The following GRID2 variants were observed in gnomAD, a reference collection of about 807,000 sequenced individuals.
GRID2 encodes the protein glutamate ionotropic receptor delta type subunit 2, also known as glutamate receptor ionotropic, delta-2.
In GRID2, 33 loss-of-function variants were observed where a neutral mutation model predicts 114.8. The ratio of observed to expected loss-of-function variants is 0.29; its 90% CI spans 0.22 to 0.38. GRID2 has a LOEUF of 0.38. Among genes scored for constraint, GRID2 ranks in the 10% least tolerant of loss-of-function variants. The probability of loss-of-function intolerance (pLI) is 1.00; values close to 1 mark genes in which losing one functional copy is unlikely to be tolerated. For missense variants in GRID2, 1,184 were observed against 1,257.7 expected (o/e 0.94, Z 0.89); for synonymous variants, 505 against 449.9 (o/e 1.12, Z -1.55).
chr4:93,740,687 C>T (rs1469177849), intron 14 of GRID2, among the ~76,000 whole-genome samples: 1 of 152,122 alleles, frequency 6.6e-6, no homozygotes, highest in Non-Finnish European at 1.5e-5. Flanking sequence ...TAAGACATAA[C>T]CTAAAATGAT....
At chr4:92,419,506 T>G (rs1731786459) in intron 1 of GRID2, among the ~76,000 whole-genome samples, 1 of 152,124 alleles carries the variant, frequency 6.6e-6, no homozygotes, top group Non-Finnish European at 1.5e-5. Flanking sequence ...AACATTATAT[T>G]TGTGATTTTA....
intron 14 of GRID2, among the ~76,000 whole-genome samples, chr4:93,680,976 G>C (rs547101280): frequency 6.6e-6 from 1 of 151,336 alleles, no homozygotes; most frequent in Non-Finnish European, 1.5e-5. Flanking sequence ...ATTAGGAAAA[G>C]AGGAAGTCCA....
intron 8 of GRID2, among the ~76,000 whole-genome samples, chr4:93,246,853 G>C (rs980273962): frequency 6.6e-6 from 1 of 152,172 alleles, no homozygotes; most frequent in African/African-American, 2.4e-5. Flanking sequence ...CTCTTGATGG[G>C]TAGGGGAACC....
rs559392045 is a variant in GRID2 at position 92,844,052 on chromosome 4, A to G, written c.245-240943A>G. ...ACCACTGATTTAATAAAAAAACTTTATTGATAATCTATTAAGTTGACTGTG... is the reference window on the plus strand; with the variant it reads ...ACCACTGATTTAATAAAAAAACTTTGTTGATAATCTATTAAGTTGACTGTG... On this transcript the variant is annotated intron_variant, in intron 2 of 15. Coordinates refer to ENST00000282020, the MANE Select transcript of GRID2 (RefSeq NM_001510.4). Among the ~76,000 whole-genome samples the G allele has an allele frequency of 2.6e-5, 4 of 152,294 alleles. No homozygotes were observed. In the East Asian group the frequency reaches 7.7e-4, roughly 29 times the overall value.
At chr4:92,987,562 G>A (rs937383115) in intron 2 of GRID2, among the ~76,000 whole-genome samples, 2 of 151,586 alleles carry the variant, frequency 1.3e-5, no homozygotes, top group Non-Finnish European at 2.9e-5. Flanking sequence ...CCTGCACGTT[G>A]TGCACATGTA....
At chr4:92,454,752 C>T (rs1369433550) in intron 1 of GRID2, among the ~76,000 whole-genome samples, 5 of 152,178 alleles carry the variant, frequency 3.3e-5, no homozygotes, top group African/African-American at 9.7e-5. Flanking sequence ...AGGAGAATGG[C>T]GCGAACCCAG....
intron 8 of GRID2, among the ~76,000 whole-genome samples, chr4:93,326,013 G>C (rs934576383): frequency 6.6e-6 from 1 of 152,150 alleles, no homozygotes; most frequent in Non-Finnish European, 1.5e-5. Context: ...TCTTTGGCTT[G>C]TGTTTTTGGA....
intron 4 of GRID2, among the ~76,000 whole-genome samples, chr4:93,198,414 G>A (rs1276914547): frequency 6.6e-6 from 1 of 152,184 alleles, no homozygotes; most frequent in Non-Finnish European, 1.5e-5. Context: ...AGGGAGCTAT[G>A]TGTGTGTCTC....
chr4:93,537,471 G>A (rs1423921975), intron 13 of GRID2, among the ~76,000 whole-genome samples: 3 of 151,694 alleles, frequency 2.0e-5, no homozygotes, highest in Non-Finnish European at 4.4e-5. Flanking sequence ...TACCATCAAA[G>A]AAAGGCACAA....
chr4:93,126,661 G>A (rs1379426398), intron 4 of GRID2, among the ~76,000 whole-genome samples: 2 of 130,726 alleles, frequency 1.5e-5, no homozygotes, highest in Admixed American at 8.7e-5. Flanking sequence ...GCAGTGGCGC[G>A]ATCTCGGCTC....
At chr4:92,650,796 T>A (rs1731890202) in intron 2 of GRID2, among the ~76,000 whole-genome samples, 2 of 152,024 alleles carry the variant, frequency 1.3e-5, no homozygotes, top group South Asian at 4.1e-4. Context: ...GCTTGGTTCC[T>A]GGACCCATAA....
At chr4:93,254,363 A>C (rs1749329382) in intron 8 of GRID2, among the ~76,000 whole-genome samples, 1 of 152,112 alleles carries the variant, frequency 6.6e-6, no homozygotes, top group African/African-American at 2.4e-5. Context: ...GAAATGTTTA[A>C]CTAGTAAAAT....
chr4:93,453,316 A>AG (rs1553932509), intron 10 of GRID2, among the ~76,000 whole-genome samples: 1 of 127,210 alleles, frequency 7.9e-6, no homozygotes, highest in African/African-American at 3.1e-5. Flanking sequence ...AGAGATGGGA[A>AG]AGAGAGAGAG....
chr4:93,495,081 G>A (rs1727396770), intron 12 of GRID2, among the ~76,000 whole-genome samples: 2 of 151,662 alleles, frequency 1.3e-5, no homozygotes, highest in African/African-American at 4.8e-5. Flanking sequence ...TCATTCCCAG[G>A]AGCTGCAAGT....
At chr4:93,333,964 C>T (rs1053976662) in intron 8 of GRID2, among the ~76,000 whole-genome samples, 7 of 152,076 alleles carry the variant, frequency 4.6e-5, no homozygotes, top group Non-Finnish European at 1.5e-5. Flanking sequence ...TTTGAAGTGC[C>T]ATCCCCAGAC....
intron 2 of GRID2, among the ~76,000 whole-genome samples, chr4:93,063,517 T>C (rs916786915): frequency 3.3e-5 from 5 of 151,878 alleles, no homozygotes; most frequent in Non-Finnish European, 5.9e-5. Context: ...TATACTCAAA[T>C]GTATAGAGTA....
At chr4:92,430,630 T>C (rs918847411) in intron 1 of GRID2, among the ~76,000 whole-genome samples, 1 of 152,202 alleles carries the variant, frequency 6.6e-6, no homozygotes, top group Non-Finnish European at 1.5e-5. Flanking sequence ...TTATTTTTTC[T>C]ATTTCTCTGA....
chr4:93,349,986 G>T (rs1204354492), intron 8 of GRID2, among the ~76,000 whole-genome samples: 1 of 152,002 alleles, frequency 6.6e-6, no homozygotes. Context: ...CTGATATATG[G>T]TGACTTAACA....
At chr4:92,571,039 A>G (rs1464786942) in intron 1 of GRID2, among the ~76,000 whole-genome samples, 1 of 151,942 alleles carries the variant, frequency 6.6e-6, no homozygotes. Flanking sequence ...TTACAAGGGG[A>G]GTGCTTCCAG....
Sources: allele counts gnomAD v4.1 joint callset (sites outside exome capture counted in the v4.1 genomes callset), GRCh38; gene constraint gnomAD v4.1.1; transcripts MANE v1.5; gene names NCBI Gene and HGNC (gene_info 2026-07-23, HGNC 2026-07-21).